The following GATAD2A variants were observed in gnomAD, a reference collection of about 807,000 sequenced individuals.
GATAD2A encodes the protein transcriptional repressor p66-alpha.
A neutral mutation model predicts 68.5 loss-of-function variants in GATAD2A; 12 were observed. The observed-to-expected ratio is 0.18, with a 90% CI of 0.11 to 0.28. GATAD2A has a LOEUF of 0.28. Ranked by LOEUF, GATAD2A falls within the 10% of genes least tolerant of loss-of-function variation. GATAD2A has a pLI of 1.00. For missense variants in GATAD2A, 755 were observed against 868.5 expected, an observed-to-expected ratio of 0.87 and a Z score of 1.64; for synonymous variants, 410 against 375.3, an observed-to-expected ratio of 1.09 and a Z score of -1.07.
chr19:19,462,503 G>A (rs968524238), intron 1 of GATAD2A, among the ~76,000 whole-genome samples: 49 of 152,356 alleles, frequency 3.2e-4, no homozygotes, highest in African/African-American at 1.0e-3. Context: ...TAGGGCAGGC[G>A]GGCGCTGTGA....
At chr19:19,419,758 C>G (rs370626236) in intron 1 of GATAD2A, among the ~76,000 whole-genome samples, 1 of 152,026 alleles carries the variant, frequency 6.6e-6, no homozygotes, top group Admixed American at 6.5e-5. Context: ...TCAGGTGATC[C>G]GCCTGCCTTG....
intron 9 of GATAD2A, 55 bp downstream of exon 9, chr19:19,501,471 C>T (rs990389949): frequency 1.7e-5 from 23 of 1,359,358 alleles, no homozygotes; most frequent in Admixed American, 6.4e-5. Context: ...GGCCGTTCCG[C>T]GATCCACCCC....
Position 19,426,861 on chromosome 19 carries a change from T to C in GATAD2A, c.-7+20842T>C, listed in dbSNP as rs181147968. Among the ~76,000 whole-genome samples the C allele has an allele frequency of 1.9e-3, 297 of 152,318 alleles. 2 individuals are homozygous for C. The highest frequency in any genetic ancestry group is 0.016 in the South Asian group (78 of 4,830). ...TTATTTGAGAAGCGGAGGGAAGGAC[T>C]AGTTGGTAGTGAAGCATGTCAGTGG... On this transcript the variant is annotated intron_variant, in intron 1 of 11. Transcript: ENST00000683918.
At chr19:19,464,355 C>G (rs549525551) in intron 1 of GATAD2A, among the ~76,000 whole-genome samples, 1 of 152,234 alleles carries the variant, frequency 6.6e-6, no homozygotes. Context: ...ACCTGACTCT[C>G]TCTGTCTCAA....
chr19:19,401,523 T>A (rs2049751143), upstream of GATAD2A, among the ~76,000 whole-genome samples: 1 of 152,102 alleles, frequency 6.6e-6, no homozygotes, highest in Admixed American at 6.6e-5. Flanking sequence ...GATTCTTCAG[T>A]CTTTCTTATG....
chr19:19,393,437 G>A (rs1297543038), intron 1 of GATAD2A, among the ~76,000 whole-genome samples: 1 of 152,172 alleles, frequency 6.6e-6, no homozygotes, highest in Admixed American at 6.5e-5. Context: ...AAATCTTCTG[G>A]CCCATGTAAC....
At chr19:19,395,795 G>A (rs1483840881) in intron 1 of GATAD2A, among the ~76,000 whole-genome samples, 1 of 152,304 alleles carries the variant, frequency 6.6e-6, no homozygotes, top group East Asian at 1.9e-4. Context: ...TACGGTGGGA[G>A]TCCCTGTGCC....
At position 19,495,843 on chromosome 19, in the gene GATAD2A, G is replaced by A. The variant is rs776225444; in HGVS notation, c.714G>A (p.Ala238=). The A allele has an allele frequency of 1.4e-5, 23 of 1,613,288 alleles. No homozygotes were observed. Among genetic ancestry groups the A allele is most frequent in the Middle Eastern group, 1.7e-4 (1 of 6,052 alleles). ...QQASSKLGPQ[A]SSQVVMPPLV... The stretch of plus-strand genomic sequence containing the variant: ...CGTCCTCGAAGCTGGGGCCACAGGC[G>A]AGCTCACAGGTCGTCATGCCCCCAC... Residue 238 remains alanine (A), a synonymous_variant, in exon 6 of 12, where the codon GCG becomes GCA. Transcript: ENST00000683918.
At chr19:19,473,787 A>AG (rs1368931269) in intron 2 of GATAD2A, among the ~76,000 whole-genome samples, 5 of 151,752 alleles carry the variant, frequency 3.3e-5, no homozygotes, top group African/African-American at 1.2e-4. Context: ...AAAAAAAAAA[A>AG]AAAAAAAAAT....
intron 1 of GATAD2A, among the ~76,000 whole-genome samples, chr19:19,460,567 A>AGCATCTCC (rs1414873183): frequency 6.6e-6 from 1 of 152,194 alleles, no homozygotes; most frequent in East Asian, 1.9e-4. Context: ...TCTGCTCCTC[A>AGCATCTCC]GCATCTCCGT....
At chr19:19,429,330 A>G in intron 1 of GATAD2A, 1 of 642,586 alleles carries the variant, frequency 1.6e-6, no homozygotes, top group Non-Finnish European at 1.9e-6. Context: ...TCTCCTGGCC[A>G]TGGGAACGGT....
chr19:19,454,654 T>C (rs887929524), intron 1 of GATAD2A, among the ~76,000 whole-genome samples: 12 of 151,752 alleles, frequency 7.9e-5, no homozygotes, highest in African/African-American at 2.7e-4. Context: ...CAGGCTCATC[T>C]TGAATTCCTA....
chr19:19,458,474 C>G (rs758697535), intron 1 of GATAD2A: 2 of 152,112 alleles, frequency 1.3e-5, no homozygotes, highest in Non-Finnish European at 2.9e-5. Context: ...CAGTGCATAC[C>G]AAGCCCATAC....
chr19:19,458,046 C>T (rs2057095192), intron 1 of GATAD2A, among the ~76,000 whole-genome samples: 1 of 152,184 alleles, frequency 6.6e-6, no homozygotes, highest in South Asian at 2.1e-4. Flanking sequence ...AGCTCCTAGC[C>T]AGCTGACTAG....
At chr19:19,489,244 C>T (rs781304536) in intron 2 of GATAD2A, among the ~76,000 whole-genome samples, 9 of 152,198 alleles carry the variant, frequency 5.9e-5, no homozygotes, top group Non-Finnish European at 1.3e-4. Flanking sequence ...TGGGCTGGCG[C>T]CACACAGGAA....
At chr19:19,481,762 T>C (rs1354439504) in intron 2 of GATAD2A, among the ~76,000 whole-genome samples, 1 of 152,232 alleles carries the variant, frequency 6.6e-6, no homozygotes, top group Non-Finnish European at 1.5e-5. Context: ...TTGTGGATGC[T>C]ACTGGCTGTC....
At chr19:19,411,667 G>A (rs2050937874) in intron 1 of GATAD2A, among the ~76,000 whole-genome samples, 1 of 148,874 alleles carries the variant, frequency 6.7e-6, no homozygotes, top group Non-Finnish European at 1.5e-5. Flanking sequence ...TGATCACCTG[G>A]CCTCAGCTTT....
intron 1 of GATAD2A, among the ~76,000 whole-genome samples, chr19:19,433,038 C>T (rs1036171227): frequency 1.3e-5 from 2 of 152,178 alleles, no homozygotes; most frequent in African/African-American, 4.8e-5. Flanking sequence ...AAGGGGACAA[C>T]TCCAAATTTT....
chr19:19,414,422 C>T (rs1339045098), intron 1 of GATAD2A, among the ~76,000 whole-genome samples: 1 of 151,574 alleles, frequency 6.6e-6, no homozygotes, highest in African/African-American at 2.4e-5. Context: ...ACTTTCAGAT[C>T]TCTGTTGTTC....
Sources: allele counts gnomAD v4.1 joint callset (sites outside exome capture counted in the v4.1 genomes callset), GRCh38; gene constraint gnomAD v4.1.1; transcripts MANE v1.5; gene names NCBI Gene and HGNC (gene_info 2026-07-23, HGNC 2026-07-21).